MED13: variants seen among roughly 807,000 people sequenced by gnomAD.
MED13 encodes mediator of RNA polymerase II transcription subunit 13.
MED13 carries 23 observed loss-of-function variants against 225.2 expected under a neutral mutation model. The ratio of observed to expected loss-of-function variants is 0.10; its 90% CI spans 0.07 to 0.14. The LOEUF is 0.14. Ranked by LOEUF, MED13 falls within the 10% of genes least tolerant of loss-of-function variation. MED13 has a pLI of 1.00. For synonymous variants in MED13, 942 were observed against 889.2 expected, an observed-to-expected ratio of 1.06 and a Z score of -1.06; for missense variants, 2,197 against 2,594.5, an observed-to-expected ratio of 0.85 and a Z score of 3.33.
At chr17:61,947,477 G>A (rs2079860166) in intron 28 of MED13, among the ~76,000 whole-genome samples, 1 of 152,148 alleles carries the variant, frequency 6.6e-6, no homozygotes, top group Non-Finnish European at 1.5e-5. Flanking sequence ...CAAAGTAAAT[G>A]TTTAAGGAGG....
At chr17:61,954,089 A>G (rs1409439957) in intron 26 of MED13, among the ~76,000 whole-genome samples, 1 of 152,224 alleles carries the variant, frequency 6.6e-6, no homozygotes, top group Non-Finnish European at 1.5e-5. Flanking sequence ...TACTGTACCC[A>G]TGGGCAACTG....
chr17:62,041,745 T>A (rs1373704942), intron 3 of MED13, among the ~76,000 whole-genome samples: 1 of 152,102 alleles, frequency 6.6e-6, no homozygotes, highest in Non-Finnish European at 1.5e-5. Flanking sequence ...GTCCAGATAA[T>A]TTTTAGAATT....
intron 6 of MED13, 63 bp downstream of exon 6, chr17:62,031,381 T>G: frequency 1.6e-6 from 2 of 1,275,892 alleles, no homozygotes; most frequent in East Asian, 2.6e-5. Context: ...AATTATTTCT[T>G]AAGTACTTAC....
intron 8 of MED13, among the ~76,000 whole-genome samples, chr17:62,028,567 T>C (rs2080724133): frequency 6.6e-6 from 1 of 150,380 alleles, no homozygotes; most frequent in Non-Finnish European, 1.5e-5. Context: ...AAAAAAGAAA[T>C]GAAATTACTC....
chr17:61,985,622 G>A (rs2080240867), intron 12 of MED13, among the ~76,000 whole-genome samples: 1 of 152,132 alleles, frequency 6.6e-6, no homozygotes. Flanking sequence ...AGTGAGCCAG[G>A]ACTGCACCAC....
chr17:62,063,601 G>C (rs74717325), intron 1 of MED13, among the ~76,000 whole-genome samples: 17,639 of 152,190 alleles, frequency 0.12, 1,308 homozygotes, highest in Non-Finnish European at 0.16. Flanking sequence ...TATGCAAACA[G>C]AGTACATTTT....
chr17:62,019,845 G>A lies in MED13; in HGVS notation c.1284-8612C>T, dbSNP rs186612583. 1.9e-3 allele frequency among the ~76,000 whole-genome samples: 285 copies of A among 151,552 alleles called. 2 individuals are homozygous for A. Among genetic ancestry groups the A allele is most frequent in the African/African-American group, 6.4e-3 (265 of 41,332 alleles). On this transcript the variant is annotated intron_variant, in intron 8 of 29. Coordinates refer to ENST00000397786, the MANE Select transcript of MED13 (RefSeq NM_005121.3). ...TGCAAGCTCTGCCTGCCAGGTTCAC[G>A]CCATTCTCCTGCCTTAGCCTCCCGA...
In MED13 at chr17:61,985,078, T is replaced by G. The variant is rs2080236419; in HGVS notation, c.2398A>C (p.Lys800Gln). The change falls in exon 13 of 30, where the codon AAA (lysine) becomes CAA (glutamine). Residue 800 changes from lysine to glutamine, a missense_variant. Physicochemically the swap from Lys to Gln is moderately conservative, Grantham distance 53 (BLOSUM62 1). This residue lies in a region of MED13 where 41 missense variants were observed against 55.8 expected (regional missense o/e 0.73). Coordinates refer to ENST00000397786, the MANE Select transcript of MED13 (RefSeq NM_005121.3). ...TTATCATCTGATCCATTTGCTGATT[T>G]TTTAGATCCAGGCTATTTAAAAAAA... is the stretch of plus-strand genomic sequence containing the variant. The part of the protein sequence containing the change: ...DEDELTPGSK[K>Q]SANGSDDKAS... 6.2e-7 allele frequency: 1 copy of G among 1,613,554 alleles called. No homozygotes were observed. Among genetic ancestry groups the G allele is most frequent in the Non-Finnish European group, 8.5e-7 (1 of 1,179,870 alleles).
chr17:61,965,212 C>T lies in MED13; in HGVS notation c.4638G>A (p.Leu1546=). 6.2e-7 allele frequency: 1 copy of T among 1,614,084 alleles called. No homozygotes were observed. The highest frequency in any genetic ancestry group is 1.1e-5 in the South Asian group (1 of 91,080). The change falls in exon 20 of 30, where the codon TTG becomes TTA. Residue 1546 remains leucine (L), a synonymous_variant. Transcript: ENST00000397786. ...GTTTATTTGATGATACTCCACTATT[C>T]AAGTTGGAGGATGATGAAGATGAAG... The part of the protein sequence containing the change: ...ASTSSSSSSN[L]NSGVSSNKLP...
chr17:62,021,629 GACAA>G (rs531720780), intron 8 of MED13, among the ~76,000 whole-genome samples: 17 of 152,296 alleles, frequency 1.1e-4, no homozygotes, highest in African/African-American at 2.9e-4. Context: ...TGAAAAATGC[GACAA>G]ACAATTTTAT....
intron 11 of MED13, among the ~76,000 whole-genome samples, chr17:61,991,310 G>A (rs1018294651): frequency 2.0e-5 from 3 of 151,524 alleles, no homozygotes; most frequent in African/African-American, 7.3e-5. Context: ...GTAGAGACAG[G>A]GTTTCACCTT....
intron 8 of MED13, among the ~76,000 whole-genome samples, chr17:62,015,949 T>TAC (rs2080572486): frequency 7.3e-5 from 1 of 13,792 alleles, no homozygotes; most frequent in African/African-American, 2.8e-4. Context: ...TATATATATA[T>TAC]ATATATTTTT....
rs371554970 is a variant in MED13 at position 62,029,610 on chromosome 17, G to A, written c.1214C>T (p.Ala405Val). ...CCAGGATGCCACTTTAGCAGCTGTC[G>A]CTTCTTCGCATAGACCACCTGATGA... ...SASSGGLCEE[A>V]TAAKVASWDF... Residue 405 changes from alanine (A) to valine (V), a missense_variant, in exon 8 of 30, where the codon GCG (alanine) becomes GTG (valine). Coordinates refer to ENST00000397786, the MANE Select transcript of MED13 (RefSeq NM_005121.3). 7.4e-6 allele frequency: 12 copies of A among 1,613,988 alleles called. No homozygotes were observed. Among genetic ancestry groups the A allele is most frequent in the East Asian group, 2.2e-5 (1 of 44,890 alleles).
rs575248184 is a variant in MED13, at chr17:62,054,465, C to T, written c.302-1760G>A. ...TCACATTCTATTATATCAAAGACAC[C>T]GTTATCTACTTCCATTTAAAACCAA... On this transcript the variant is annotated intron_variant, in intron 2 of 29. Coordinates refer to ENST00000397786, the MANE Select transcript of MED13 (RefSeq NM_005121.3). Among the ~76,000 whole-genome samples, 16 of 151,958 alleles carry T rather than the reference C, an allele frequency of 1.1e-4. No homozygotes were observed. In the South Asian group the frequency reaches 2.9e-3, roughly 28 times the overall value.
At chr17:61,977,779 A>C (rs1043442073) in intron 16 of MED13, among the ~76,000 whole-genome samples, 1 of 151,848 alleles carries the variant, frequency 6.6e-6, no homozygotes, top group African/African-American at 2.4e-5. Context: ...AAAATTTTTA[A>C]TTGAAATATA....
At chr17:62,028,568 G>A (rs1229974178) in intron 8 of MED13, among the ~76,000 whole-genome samples, 3 of 151,266 alleles carry the variant, frequency 2.0e-5, no homozygotes, top group Non-Finnish European at 4.4e-5. Context: ...AAAAAGAAAT[G>A]AAATTACTCT....
In MED13 at chr17:62,065,197, G is replaced by C. The variant is rs374931925; in HGVS notation, c.9C>G (p.Ala3=). The change falls in exon 1 of 30, where the codon GCC becomes GCG. Residue 3 remains alanine (A), a synonymous_variant. Transcript: ENST00000397786. ...GGCTGGCCCCGTTCGGCACGAAGGAGGCACTCATCGTCCCTCACAGCAGCC... is the reference window on the plus strand; with the variant it reads ...GGCTGGCCCCGTTCGGCACGAAGGACGCACTCATCGTCCCTCACAGCAGCC... The part of the protein sequence containing the change: MS[A]SFVPNGASLE... The C allele has an allele frequency of 6.3e-7, 1 of 1,575,314 alleles. No individual in the cohort carries two copies. Among genetic ancestry groups the C allele is most frequent in the Non-Finnish European group, 8.6e-7 (1 of 1,162,404 alleles).
chr17:62,039,187 C>T (rs565959847), intron 3 of MED13, among the ~76,000 whole-genome samples: 1 of 152,316 alleles, frequency 6.6e-6, no homozygotes, highest in Admixed American at 6.5e-5. Flanking sequence ...ACCTCCTATA[C>T]TGCTAGCATG....
At chr17:62,015,944 A>T (rs1224412658) in intron 8 of MED13, among the ~76,000 whole-genome samples, 2 of 12,714 alleles carry the variant, frequency 1.6e-4, no homozygotes, top group South Asian at 3.6e-3. Context: ...ATATATATAT[A>T]TATATATATA....
Sources: gnomAD v4.1 joint callset for allele counts (sites outside exome capture counted in the v4.1 genomes callset) on GRCh38, gnomAD v4.1.1 for gene constraint, gnomAD v4.1.1 regional missense constraint, MANE v1.5 for transcripts, NCBI Gene and HGNC (gene_info 2026-07-23, HGNC 2026-07-21) for gene names.